CNTN5: variants seen among roughly 807,000 people sequenced by gnomAD.
CNTN5 encodes the protein contactin-5.
A neutral mutation model predicts 129.1 loss-of-function variants in CNTN5; 77 were observed. The observed-to-expected ratio is 0.60, with a 90% confidence interval of 0.50 to 0.72. The LOEUF is 0.72. Ranked by LOEUF, CNTN5 falls within the 30% of genes least tolerant of loss-of-function variation. CNTN5 has a pLI of 0.00. For synonymous variants in CNTN5, 509 were observed against 465.6 expected, an observed-to-expected ratio of 1.09 and a Z score of -1.20; for missense variants, 1,478 against 1,328.8, an observed-to-expected ratio of 1.11 and a Z score of -1.75.
chr11:99,866,137 A>G lies in CNTN5; in HGVS notation c.577+20875A>G, dbSNP rs557667907. Reference sequence around the variant, plus strand: ...TTTTAATAAGAGGAAATGTGATCTCACAGACTATTTGGGTGTTTTCCAAGT... The same window carrying G: ...TTTTAATAAGAGGAAATGTGATCTCGCAGACTATTTGGGTGTTTTCCAAGT... On this transcript the variant is annotated intron_variant, in intron 6 of 24. Coordinates refer to ENST00000524871, the MANE Select transcript of CNTN5 (RefSeq NM_014361.4). Among the ~76,000 whole-genome samples, 4 of 152,296 alleles carry G rather than the reference A, an allele frequency of 2.6e-5. No homozygotes were observed. In the South Asian group the frequency reaches 8.3e-4, roughly 32 times the overall value.
At chr11:99,030,874 G>A (rs1163048271) in intron 1 of CNTN5, among the ~76,000 whole-genome samples, 3 of 147,638 alleles carry the variant, frequency 2.0e-5, no homozygotes, top group Admixed American at 7.1e-5. Flanking sequence ...TCCGCCTCCC[G>A]GGTTCACGCC....
At chr11:100,144,252 A>C (rs1414264784) in intron 13 of CNTN5, among the ~76,000 whole-genome samples, 2 of 152,060 alleles carry the variant, frequency 1.3e-5, no homozygotes, top group Non-Finnish European at 2.9e-5. Context: ...CAGTGGGTAC[A>C]TGTGCAGATT....
intron 21 of CNTN5, among the ~76,000 whole-genome samples, chr11:100,338,945 C>A (rs1952097792): frequency 6.6e-6 from 1 of 152,046 alleles, no homozygotes. Flanking sequence ...GTCTGTAACC[C>A]TGGAACCCCA....
intron 1 of CNTN5, among the ~76,000 whole-genome samples, chr11:99,225,314 G>C (rs1429605559): frequency 6.6e-6 from 1 of 152,106 alleles, no homozygotes; most frequent in Non-Finnish European, 1.5e-5. Context: ...AGAGAAGAGT[G>C]AAAGAAAGCA....
intron 8 of CNTN5, among the ~76,000 whole-genome samples, chr11:99,968,064 C>T (rs1951143151): frequency 3.3e-5 from 5 of 152,234 alleles, no homozygotes; most frequent in Admixed American, 2.0e-4. Flanking sequence ...TACACATCTT[C>T]GCAAAATTCA....
At chr11:99,819,087 T>G (rs907226807) in intron 3 of CNTN5, among the ~76,000 whole-genome samples, 1 of 151,850 alleles carries the variant, frequency 6.6e-6, no homozygotes, top group African/African-American at 2.4e-5. Flanking sequence ...GTTTCCTCAC[T>G]GCATTTTAAT....
At chr11:99,134,039 T>G (rs1265135735) in intron 1 of CNTN5, among the ~76,000 whole-genome samples, 1 of 152,168 alleles carries the variant, frequency 6.6e-6, no homozygotes, top group Non-Finnish European at 1.5e-5. Context: ...AAAGAAAATG[T>G]GGTACATATA....
At chr11:99,764,659 G>T (rs185267336) in intron 3 of CNTN5, among the ~76,000 whole-genome samples, 42 of 152,100 alleles carry the variant, frequency 2.8e-4, no homozygotes, top group Middle Eastern at 3.4e-3. Context: ...CAGGTGATCC[G>T]CCTGCCTCAG....
rs1322924183 is a variant in CNTN5, at chr11:99,590,511, C to T, written c.55+34242C>T. 2.6e-5 allele frequency among the ~76,000 whole-genome samples: 4 copies of T among 152,272 alleles called. No individual in the cohort carries two copies. In the East Asian group the frequency reaches 7.7e-4, roughly 29 times the overall value. On this transcript the variant is annotated intron_variant, in intron 3 of 24. Coordinates refer to ENST00000524871, the MANE Select transcript of CNTN5 (RefSeq NM_014361.4). The stretch of plus-strand genomic sequence containing the variant: ...ATATTTCCAAGTAGATAACACAGTA[C>T]TTGATATAATAGAAATATCTGTTAT...
At chr11:99,108,857 T>C (rs894016870) in intron 1 of CNTN5, among the ~76,000 whole-genome samples, 1 of 152,062 alleles carries the variant, frequency 6.6e-6, no homozygotes, top group African/African-American at 2.4e-5. Context: ...TTAGGCTTTC[T>C]CAGCACTTAA....
intron 2 of CNTN5, among the ~76,000 whole-genome samples, chr11:99,508,720 C>T (rs2135404413): frequency 6.9e-6 from 1 of 145,130 alleles, no homozygotes; most frequent in East Asian, 1.9e-4. Context: ...GTTCTTGTCA[C>T]CCAGGCTGGA....
At chr11:99,486,399 G>A (rs1192583557) in intron 2 of CNTN5, among the ~76,000 whole-genome samples, 2 of 152,058 alleles carry the variant, frequency 1.3e-5, no homozygotes, top group African/African-American at 4.8e-5. Context: ...TTGTATCCAA[G>A]CATAGTGCAT....
At chr11:99,312,465 C>T (rs1242797947) in intron 1 of CNTN5, among the ~76,000 whole-genome samples, 11 of 152,060 alleles carry the variant, frequency 7.2e-5, no homozygotes, top group African/African-American at 2.7e-4. Flanking sequence ...CAATGCATGA[C>T]CTGCAAGAAA....
At chr11:99,939,307 A>G (rs1950382542) in intron 7 of CNTN5, among the ~76,000 whole-genome samples, 1 of 152,180 alleles carries the variant, frequency 6.6e-6, no homozygotes, top group Middle Eastern at 3.4e-3. Context: ...GAAGTAATTT[A>G]TATTAGCTTC....
intron 9 of CNTN5, among the ~76,000 whole-genome samples, chr11:100,060,481 TA>T (rs1324779191): frequency 1.3e-5 from 2 of 152,082 alleles, no homozygotes; most frequent in Non-Finnish European, 2.9e-5. Flanking sequence ...CTGTATTTGC[TA>T]TTTGGCCAGA....
At chr11:99,126,063 A>T (rs1858612318) in intron 1 of CNTN5, among the ~76,000 whole-genome samples, 1 of 152,188 alleles carries the variant, frequency 6.6e-6, no homozygotes, top group African/African-American at 2.4e-5. Context: ...CACTGATAAT[A>T]GTAATTTAAC....
At chr11:99,236,671 G>C (rs1861287665) in intron 1 of CNTN5, among the ~76,000 whole-genome samples, 1 of 152,102 alleles carries the variant, frequency 6.6e-6, no homozygotes, top group Admixed American at 6.5e-5. Flanking sequence ...GAGTGGCCAA[G>C]TCATAAGGCA....
intron 3 of CNTN5, among the ~76,000 whole-genome samples, chr11:99,645,171 A>G (rs1249735198): frequency 7.2e-6 from 1 of 139,142 alleles, no homozygotes; most frequent in Non-Finnish European, 1.5e-5. Flanking sequence ...GAAGCTGGAG[A>G]ATTGCTTGAA....
chr11:99,295,599 G>A lies in CNTN5; in HGVS notation c.-209-29747G>A, dbSNP rs187003865. Among the ~76,000 whole-genome samples the A allele has an allele frequency of 3.7e-3, 564 of 152,244 alleles. 2 individuals are homozygous for A. Among genetic ancestry groups the A allele is most frequent in the Non-Finnish European group, 5.5e-3 (374 of 67,998 alleles). Reference sequence around the variant, plus strand: ...GGTTAAGAGTTTTGACTGATTGGCCGGGCGCGGTGGCTCACGCCTGTAATC... The same window carrying A: ...GGTTAAGAGTTTTGACTGATTGGCCAGGCGCGGTGGCTCACGCCTGTAATC... On this transcript the variant is annotated intron_variant, in intron 1 of 24. Transcript: ENST00000524871.
Sources: gnomAD v4.1 joint callset for allele counts (sites outside exome capture counted in the v4.1 genomes callset) on GRCh38, gnomAD v4.1.1 for gene constraint, MANE v1.5 for transcripts, NCBI Gene and HGNC (gene_info 2026-07-23, HGNC 2026-07-21) for gene names.